The following ZMIZ1 variants were observed in gnomAD, a reference collection of about 807,000 sequenced individuals.
ZMIZ1 encodes the protein zinc finger MIZ domain-containing protein 1.
A neutral mutation model predicts 113.9 loss-of-function variants in ZMIZ1; 17 were observed. The observed-to-expected ratio is 0.15, with a 90% confidence interval of 0.10 to 0.22. The LOEUF is 0.22. Ranked by LOEUF, ZMIZ1 falls within the 10% of genes least tolerant of loss-of-function variation. The pLI, the probability that ZMIZ1 is intolerant of heterozygous loss-of-function variation, is 1.00. For synonymous variants in ZMIZ1, 607 were observed against 603.1 expected (o/e 1.01, Z -0.09); for missense variants, 1,059 against 1,477.8 (o/e 0.72, Z 4.65).
chr10:79,269,697 C>A (rs1039450897), intron 7 of ZMIZ1, among the ~76,000 whole-genome samples: 1 of 152,168 alleles, frequency 6.6e-6, no homozygotes, highest in East Asian at 1.9e-4. Flanking sequence ...GTCATCCATT[C>A]CTGACCGCCA....
intron 6 of ZMIZ1, among the ~76,000 whole-genome samples, chr10:79,212,490 A>G (rs1848565512): frequency 6.6e-6 from 1 of 152,112 alleles, no homozygotes; most frequent in Admixed American, 6.5e-5. Flanking sequence ...TTTTGCACAG[A>G]TGGGGCTGGG....
rs1188243687 is a variant in ZMIZ1 at position 79,069,159 on chromosome 10, G to GAGCCGA, written c.-447_-442dup. The GAGCCGA allele has an allele frequency of 6.7e-6, 1 of 150,336 alleles. No homozygotes were observed. The highest frequency in any genetic ancestry group is 1.5e-5 in the Non-Finnish European group (1 of 67,400). The allele number at this position is 150,336 out of a possible 1,614,324, so 9.3% of individuals were successfully genotyped here. On this transcript the variant is annotated 5_prime_UTR_variant, in exon 1 of 25. Transcript: ENST00000334512. This position sits in a 1 kb window ranked among gnomAD's most constrained non-coding sequence, Gnocchi z 4.6. ...CCCAGCCGGCGCGGAGCAGGAGCCGGAGCCGAGCGGATCTCGGCGCCCTCG... is the reference window on the plus strand; with the variant it reads ...CCCAGCCGGCGCGGAGCAGGAGCCGGAGCCGAAGCCGAGCGGATCTCGGCGCCCTCG...
At chr10:79,201,159 T>C (rs1848063116) in intron 4 of ZMIZ1, among the ~76,000 whole-genome samples, 1 of 151,980 alleles carries the variant, frequency 6.6e-6, no homozygotes, top group South Asian at 2.1e-4. Flanking sequence ...AATACAAAAA[T>C]TAGCCGGGTG....
At chr10:79,211,668 G>A (rs137977844) in intron 6 of ZMIZ1, among the ~76,000 whole-genome samples, 3 of 152,178 alleles carry the variant, frequency 2.0e-5, no homozygotes, top group South Asian at 2.1e-4. Flanking sequence ...CTGCCATCCC[G>A]TCTGCTTCAC....
At chr10:79,168,276 G>A (rs994347877) in intron 4 of ZMIZ1, among the ~76,000 whole-genome samples, 6 of 152,178 alleles carry the variant, frequency 3.9e-5, no homozygotes, top group African/African-American at 7.2e-5. Flanking sequence ...GAGCTCCCCC[G>A]GGGGCCTACC....
intron 1 of ZMIZ1, among the ~76,000 whole-genome samples, chr10:79,088,917 G>A (rs757844346): frequency 9.2e-5 from 14 of 152,186 alleles, no homozygotes; most frequent in Non-Finnish European, 2.1e-4. Flanking sequence ...GAAGTGGGTG[G>A]TATTATCCCA....
chr10:79,175,610 GTGTGTGTGTGTGTGTGTGTGGAGGTTTT>G lies in ZMIZ1; in HGVS notation c.-50+13479_-50+13506del, dbSNP rs1480954489. On this transcript the variant is annotated intron_variant, in intron 4 of 24. Transcript: ENST00000334512. ...TGTGTGTGTGTGTGTGTGTGTGTGT[GTGTGTGTGTGTGTGTGTGTGGAGGTTTT>G]TACAGACCCGCATGTATGTGTCCCT... 6.5e-4 allele frequency among the ~76,000 whole-genome samples: 80 copies of G among 122,206 alleles called. 1 individual carries two copies. The highest frequency in any genetic ancestry group is 2.4e-3 in the East Asian group (6 of 2,480). 80.2% of individuals were successfully genotyped at this position (122,206 alleles called of 152,430 possible).
intron 7 of ZMIZ1, among the ~76,000 whole-genome samples, chr10:79,271,276 C>G (rs1589532527): frequency 6.6e-6 from 1 of 152,196 alleles, no homozygotes; most frequent in Admixed American, 6.5e-5. Flanking sequence ...CTGTTGTTCT[C>G]TTCTCTACTG....
chr10:79,151,469 C>T (rs1845706706), intron 3 of ZMIZ1, among the ~76,000 whole-genome samples: 1 of 152,160 alleles, frequency 6.6e-6, no homozygotes, highest in Non-Finnish European at 1.5e-5. Context: ...GGAGAGGAAC[C>T]GGCAGCAGAG....
chr10:79,295,558 T>A (rs1853831087), intron 12 of ZMIZ1: 1 of 152,272 alleles, frequency 6.6e-6, no homozygotes, highest in Non-Finnish European at 1.5e-5. Flanking sequence ...AGGCACCAGC[T>A]ACGTCTTCTA....
At chr10:79,268,985 G>A (rs117495385) in intron 7 of ZMIZ1, among the ~76,000 whole-genome samples, 1,755 of 152,266 alleles carry the variant, frequency 0.012, 10 homozygotes, top group Non-Finnish European at 0.019. Context: ...GGTGACCAGC[G>A]GGTGGGACAG....
intron 1 of ZMIZ1, among the ~76,000 whole-genome samples, chr10:79,086,472 A>G (rs1026292228): frequency 6.4e-4 from 98 of 152,324 alleles, no homozygotes; most frequent in African/African-American, 2.2e-3. Flanking sequence ...TTACTCAGCT[A>G]TGTTTGCTTG....
intron 7 of ZMIZ1, among the ~76,000 whole-genome samples, chr10:79,275,447 C>T (rs1455033334): frequency 6.6e-6 from 1 of 152,210 alleles, no homozygotes; most frequent in Non-Finnish European, 1.5e-5. Context: ...TCTTTGTGTA[C>T]CACACAAGCT....
At chr10:79,086,581 A>G (rs892544091) in intron 1 of ZMIZ1, among the ~76,000 whole-genome samples, 1 of 152,100 alleles carries the variant, frequency 6.6e-6, no homozygotes, top group East Asian at 1.9e-4. Context: ...TGGTGTGATC[A>G]TGGCTTACTG....
chr10:79,183,731 G>A (rs1847231265), intron 4 of ZMIZ1, among the ~76,000 whole-genome samples: 1 of 152,210 alleles, frequency 6.6e-6, no homozygotes, highest in South Asian at 2.1e-4. Context: ...CGTGTACTAT[G>A]TGGGATGGTT....
intron 7 of ZMIZ1, among the ~76,000 whole-genome samples, chr10:79,275,912 G>A (rs541968262): frequency 1.3e-5 from 2 of 152,236 alleles, no homozygotes; most frequent in South Asian, 2.1e-4. Flanking sequence ...GCAGAAGCAC[G>A]TTGTGCAGCA....
chr10:79,177,526 C>T (rs1405158294), intron 4 of ZMIZ1, among the ~76,000 whole-genome samples: 1 of 152,184 alleles, frequency 6.6e-6, no homozygotes, highest in Non-Finnish European at 1.5e-5. Context: ...ATCAGCAGAG[C>T]ACAGAGAGGC....
intron 6 of ZMIZ1, among the ~76,000 whole-genome samples, chr10:79,212,450 G>A (rs1848564092): frequency 6.6e-6 from 1 of 151,994 alleles, no homozygotes; most frequent in South Asian, 2.1e-4. Context: ...GGTACCACTG[G>A]CCTACACCAT....
At chr10:79,305,367 G>A (rs1332450389) in intron 20 of ZMIZ1, 136 bp downstream of exon 20, 9 of 1,217,200 alleles carry the variant, frequency 7.4e-6, no homozygotes, top group African/African-American at 1.5e-5. Context: ...GGTTATGGGG[G>A]CTCCAGGTGG....
Sources: gnomAD v4.1 joint callset for allele counts (sites outside exome capture counted in the v4.1 genomes callset) on GRCh38, gnomAD v4.1.1 for gene constraint, Gnocchi (gnomAD v3.1) non-coding constraint, MANE v1.5 for transcripts, NCBI Gene and HGNC (gene_info 2026-07-23, HGNC 2026-07-21) for gene names.